The following MACROD2 variants were observed in gnomAD, a reference collection of about 807,000 sequenced individuals.
MACROD2 encodes the protein mono-ADP ribosylhydrolase 2.
MACROD2 carries 36 observed loss-of-function variants against 70.4 expected under a neutral mutation model. That is an observed-to-expected ratio of 0.51 (90% CI 0.39 to 0.68). MACROD2 has a LOEUF of 0.68. Ranked by LOEUF, MACROD2 falls within the 30% of genes least tolerant of loss-of-function variation. The pLI, the probability that MACROD2 is intolerant of heterozygous loss-of-function variation, is 0.00. For synonymous variants in MACROD2, 172 were observed against 178.8 expected, an observed-to-expected ratio of 0.96 and a Z score of 0.30; for missense variants, 496 against 538.4, an observed-to-expected ratio of 0.92 and a Z score of 0.78.
In MACROD2 at chr20:15,640,631, G is replaced by T. The variant is rs1039422069; in HGVS notation, c.645+140784G>T. On this transcript the variant is annotated intron_variant, in intron 8 of 17. Transcript: ENST00000684519. ...TATCATCCCTTCACTCTTTCTTACA[G>T]GCTCTCCCCCATCCTCAGCTTCTGT... Among the ~76,000 whole-genome samples the T allele has an allele frequency of 8.5e-5, 13 of 152,246 alleles. 1 individual carries two copies. The highest frequency in any genetic ancestry group is 2.6e-4 in the Admixed American group (4 of 15,292).
chr20:15,015,528 G>A (rs1397729229), intron 5 of MACROD2, among the ~76,000 whole-genome samples: 3 of 150,568 alleles, frequency 2.0e-5, no homozygotes, highest in Non-Finnish European at 4.4e-5. Flanking sequence ...GTAAGTACAA[G>A]CATGTAAAAT....
At chr20:15,325,201 G>A (rs892892745) in intron 6 of MACROD2, among the ~76,000 whole-genome samples, 3 of 152,106 alleles carry the variant, frequency 2.0e-5, no homozygotes, top group African/African-American at 7.2e-5. Context: ...TGGATAGCTA[G>A]GAATGTATTT....
intron 5 of MACROD2, among the ~76,000 whole-genome samples, chr20:15,153,218 C>G (rs956630928): frequency 2.0e-5 from 3 of 152,012 alleles, no homozygotes; most frequent in African/African-American, 7.3e-5. Flanking sequence ...ATTTATTTCA[C>G]CTGGGTGCAG....
chr20:15,933,699 T>A (rs1030345518), intron 11 of MACROD2, among the ~76,000 whole-genome samples: 13 of 152,118 alleles, frequency 8.5e-5, no homozygotes, highest in Non-Finnish European at 4.4e-5. Flanking sequence ...TAAAAACTGA[T>A]GAAAGGAAAT....
intron 5 of MACROD2, among the ~76,000 whole-genome samples, chr20:15,151,609 C>T (rs2076270648): frequency 6.6e-6 from 1 of 151,902 alleles, no homozygotes; most frequent in African/African-American, 2.4e-5. Flanking sequence ...GGGTCTAGGG[C>T]TGTAAAGCAT....
At chr20:14,803,350 T>C (rs114582996) in intron 5 of MACROD2, among the ~76,000 whole-genome samples, 2,048 of 152,246 alleles carry the variant, frequency 0.013, 46 homozygotes, top group African/African-American at 0.047. Flanking sequence ...AAGGAACTTA[T>C]TGATGAATCA....
intron 3 of MACROD2, among the ~76,000 whole-genome samples, chr20:14,093,589 CA>C (rs2148674072): frequency 6.6e-6 from 1 of 151,750 alleles, no homozygotes; most frequent in South Asian, 2.1e-4. Context: ...TATTTTGGTA[CA>C]TATGCTTAGC....
chr20:15,422,356 A>G lies in MACROD2; in HGVS notation c.541-9049A>G, dbSNP rs565374616. Among the ~76,000 whole-genome samples, 9 of 152,304 alleles carry G rather than the reference A, an allele frequency of 5.9e-5. No homozygotes were observed. The South Asian group carries it at 1.9e-3, about 32-fold the overall frequency. ...GTGTGGCTGTAAGAGAACTGTTCTC[A>G]CTGAGATCTGCCTATACCTGTCTTG... On this transcript the variant is annotated intron_variant, in intron 6 of 17. Coordinates refer to ENST00000684519, the MANE Select transcript of MACROD2 (RefSeq NM_001351661.2).
chr20:15,083,059 G>T (rs1449636478), intron 5 of MACROD2, among the ~76,000 whole-genome samples: 1 of 152,124 alleles, frequency 6.6e-6, no homozygotes, highest in Non-Finnish European at 1.5e-5. Context: ...TAAGGGCTGT[G>T]ATGTTATTTT....
chr20:15,315,418 T>G (rs1473762087), intron 6 of MACROD2, among the ~76,000 whole-genome samples: 3 of 152,074 alleles, frequency 2.0e-5, no homozygotes, highest in Non-Finnish European at 2.9e-5. Context: ...TGTTAAACAC[T>G]AGAAACAAAG....
At chr20:14,556,701 A>G (rs1183433887) in intron 4 of MACROD2, among the ~76,000 whole-genome samples, 2 of 152,054 alleles carry the variant, frequency 1.3e-5, no homozygotes, top group Non-Finnish European at 2.9e-5. Flanking sequence ...AGCTGCTAGG[A>G]AAACTATCCA....
chr20:15,842,934 T>C (rs1181096586), intron 8 of MACROD2, among the ~76,000 whole-genome samples: 1 of 152,116 alleles, frequency 6.6e-6, no homozygotes, highest in Non-Finnish European at 1.5e-5. Context: ...CCCAAAATAA[T>C]TTGACTAGTG....
intron 6 of MACROD2, among the ~76,000 whole-genome samples, chr20:15,273,910 A>G (rs2077368181): frequency 6.6e-6 from 1 of 152,164 alleles, no homozygotes; most frequent in African/African-American, 2.4e-5. Flanking sequence ...CTACCTGGCC[A>G]GGTTGTCAGG....
chr20:15,527,438 G>T (rs996592957), intron 8 of MACROD2, among the ~76,000 whole-genome samples: 2 of 152,180 alleles, frequency 1.3e-5, no homozygotes, highest in African/African-American at 4.8e-5. Flanking sequence ...TGGAGAAAAT[G>T]AGTTAATAAC....
chr20:14,328,544 T>A (rs1294775814), intron 3 of MACROD2, among the ~76,000 whole-genome samples: 1 of 152,168 alleles, frequency 6.6e-6, no homozygotes, highest in Non-Finnish European at 1.5e-5. Flanking sequence ...CCTTTGTAAT[T>A]TTAGGCATGA....
At chr20:14,451,604 C>T (rs1165848047) in intron 3 of MACROD2, among the ~76,000 whole-genome samples, 3 of 152,136 alleles carry the variant, frequency 2.0e-5, no homozygotes, top group African/African-American at 7.2e-5. Context: ...CTTCTTCCAC[C>T]AGCATTTGGT....
chr20:14,243,196 A>G (rs1257976935), intron 3 of MACROD2, among the ~76,000 whole-genome samples: 3 of 152,204 alleles, frequency 2.0e-5, no homozygotes, highest in African/African-American at 7.2e-5. Context: ...TGCTGAATCT[A>G]TTGAGATAAA....
rs185347564 is a variant in MACROD2 at position 14,544,672 on chromosome 20, A to G, written c.301+51164A>G. Among the ~76,000 whole-genome samples, 308 of 152,282 alleles carry G rather than the reference A, an allele frequency of 2.0e-3. 1 individual carries two copies. Among genetic ancestry groups the G allele is most frequent in the African/African-American group, 7.1e-3 (296 of 41,558 alleles). Reference sequence around the variant, plus strand: ...GTAATTTATGTGAGAGGTAATCTCAAGGAACACTGATAGGGGAGTGAAAAA... The same window carrying G: ...GTAATTTATGTGAGAGGTAATCTCAGGGAACACTGATAGGGGAGTGAAAAA... On this transcript the variant is annotated intron_variant, in intron 4 of 17. Coordinates refer to ENST00000684519, the MANE Select transcript of MACROD2 (RefSeq NM_001351661.2).
chr20:14,094,673 C>T (rs1320270731), intron 3 of MACROD2, among the ~76,000 whole-genome samples: 4 of 152,160 alleles, frequency 2.6e-5, no homozygotes, highest in Non-Finnish European at 5.9e-5. Context: ...TAGACTATTG[C>T]AGTACACTCC....
Sources: gnomAD v4.1 joint callset for allele counts (sites outside exome capture counted in the v4.1 genomes callset) on GRCh38, gnomAD v4.1.1 for gene constraint, MANE v1.5 for transcripts, NCBI Gene and HGNC (gene_info 2026-07-23, HGNC 2026-07-21) for gene names.